GRM7: variants seen among roughly 807,000 people sequenced by gnomAD.
GRM7 encodes the protein metabotropic glutamate receptor 7.
GRM7 carries 35 observed loss-of-function variants against 84.5 expected under a neutral mutation model. The observed-to-expected ratio is 0.41, with a 90% CI of 0.32 to 0.55. The LOEUF (loss-of-function observed/expected upper bound fraction) is 0.55. GRM7 is among the 20% of genes least tolerant of loss of function. GRM7 has a pLI of 0.19. For missense variants in GRM7, 1,003 were observed against 1,194.6 expected, an observed-to-expected ratio of 0.84 and a Z score of 2.36; for synonymous variants, 487 against 455.1, an observed-to-expected ratio of 1.07 and a Z score of -0.89.
intron 9 of GRM7, among the ~76,000 whole-genome samples, chr3:7,722,241 CA>C (rs1701976646): frequency 6.6e-6 from 1 of 152,154 alleles, no homozygotes; most frequent in African/African-American, 2.4e-5. Context: ...GAAGATTAAG[CA>C]TAGCTAAAAT....
intron 1 of GRM7, among the ~76,000 whole-genome samples, chr3:7,140,684 A>G (rs1574953154): frequency 1.3e-5 from 2 of 152,024 alleles, no homozygotes; most frequent in East Asian, 3.9e-4. Flanking sequence ...TTATTTTGTT[A>G]TTGTTCATAG....
chr3:7,397,571 G>A lies in GRM7; in HGVS notation c.1034-17452G>A, dbSNP rs144991321. On this transcript the variant is annotated intron_variant, in intron 4 of 9. Coordinates refer to ENST00000357716, the MANE Select transcript of GRM7 (RefSeq NM_000844.4). ...AGTGGAATTTGAGTGTTTTTAATAT[G>A]CACCAAAAATGATAAATGCTTAAGG... 1.1e-3 allele frequency among the ~76,000 whole-genome samples: 168 copies of A among 152,052 alleles called. 2 individuals are homozygous for A. The highest frequency in any genetic ancestry group is 3.9e-3 in the African/African-American group (162 of 41,476).
At chr3:7,487,787 CT>C (rs1228841037) in intron 7 of GRM7, among the ~76,000 whole-genome samples, 1 of 152,198 alleles carries the variant, frequency 6.6e-6, no homozygotes, top group South Asian at 2.1e-4. Flanking sequence ...AGAGCCTTCA[CT>C]AAAACAATGC....
chr3:7,650,762 G>T (rs142187764), intron 8 of GRM7, among the ~76,000 whole-genome samples: 1 of 152,140 alleles, frequency 6.6e-6, no homozygotes, highest in African/African-American at 2.4e-5. Flanking sequence ...CTGTTGCCCA[G>T]GCTGGAGTGC....
At chr3:7,304,589 A>G (rs1474332428) in intron 3 of GRM7, among the ~76,000 whole-genome samples, 2 of 151,890 alleles carry the variant, frequency 1.3e-5, no homozygotes, top group Non-Finnish European at 1.5e-5. Context: ...TTAGCTGGAT[A>G]TAGGTCTTCT....
chr3:6,970,975 C>G (rs1693730744), intron 1 of GRM7, among the ~76,000 whole-genome samples: 1 of 132,772 alleles, frequency 7.5e-6, no homozygotes, highest in African/African-American at 2.8e-5. Flanking sequence ...GAGCGAGACT[C>G]TGTCTCAAAA....
At chr3:7,592,028 C>T (rs1167263840) in intron 8 of GRM7, among the ~76,000 whole-genome samples, 1 of 152,040 alleles carries the variant, frequency 6.6e-6, no homozygotes, top group African/African-American at 2.4e-5. Flanking sequence ...TAGTATTTGT[C>T]TCATAAGGTT....
At chr3:7,649,855 G>C (rs1698845442) in intron 8 of GRM7, among the ~76,000 whole-genome samples, 1 of 151,900 alleles carries the variant, frequency 6.6e-6, no homozygotes, top group Non-Finnish European at 1.5e-5. Flanking sequence ...TGGGCGGGGG[G>C]GTACTTCTTT....
chr3:7,657,697 T>C (rs1176515543), intron 8 of GRM7, among the ~76,000 whole-genome samples: 2 of 152,156 alleles, frequency 1.3e-5, no homozygotes, highest in Non-Finnish European at 2.9e-5. Flanking sequence ...GAGAGCCTCA[T>C]AGTTAAGTGT....
At chr3:7,706,082 C>T (rs577526512) in intron 9 of GRM7, among the ~76,000 whole-genome samples, 1 of 152,284 alleles carries the variant, frequency 6.6e-6, no homozygotes, top group African/African-American at 2.4e-5. Context: ...TTCAATTCCA[C>T]TTCACCACCC....
chr3:7,141,561 T>A (rs1693945079), intron 1 of GRM7, among the ~76,000 whole-genome samples: 1 of 152,100 alleles, frequency 6.6e-6, no homozygotes, highest in Non-Finnish European at 1.5e-5. Flanking sequence ...GGAATTTTAT[T>A]GTTAACCTAA....
intron 1 of GRM7, among the ~76,000 whole-genome samples, chr3:6,897,830 G>C (rs1433592797): frequency 6.6e-6 from 1 of 152,160 alleles, no homozygotes; most frequent in East Asian, 1.9e-4. Flanking sequence ...AGCATTAGTG[G>C]GTCAGCAAAA....
chr3:7,572,011 T>A (rs1694686891), intron 7 of GRM7, among the ~76,000 whole-genome samples: 1 of 152,172 alleles, frequency 6.6e-6, no homozygotes, highest in African/African-American at 2.4e-5. Context: ...ATGAGAACAG[T>A]GCAGGAAAGC....
At chr3:6,982,110 C>A (rs1303543949) in intron 1 of GRM7, among the ~76,000 whole-genome samples, 2 of 152,148 alleles carry the variant, frequency 1.3e-5, no homozygotes, top group Non-Finnish European at 2.9e-5. Context: ...GAATACTACA[C>A]AGCCATAAAA....
chr3:6,906,688 A>C (rs1696589162), intron 1 of GRM7, among the ~76,000 whole-genome samples: 1 of 152,156 alleles, frequency 6.6e-6, no homozygotes, highest in African/African-American at 2.4e-5. Flanking sequence ...CCATATATGC[A>C]TGAAGCATTT....
chr3:7,444,905 C>T (rs1369906084), intron 5 of GRM7, among the ~76,000 whole-genome samples: 6 of 152,154 alleles, frequency 3.9e-5, no homozygotes. Flanking sequence ...CTTTTTGAGT[C>T]TTTAACAGAG....
chr3:7,320,782 G>T (rs1700750667), intron 4 of GRM7, among the ~76,000 whole-genome samples: 1 of 149,638 alleles, frequency 6.7e-6, no homozygotes, highest in African/African-American at 2.5e-5. Flanking sequence ...TATAATAGTA[G>T]TTCTTTTTAT....
rs369679343 is a variant in GRM7, at chr3:6,947,911, C to T, written c.519+86004C>T. On this transcript the variant is annotated intron_variant, in intron 1 of 9. Transcript: ENST00000357716. ...AGATTGGTGGTGATATCCCCTTTAT[C>T]ATTTTTTATTGCATCGATTTGATTC... Among the ~76,000 whole-genome samples, 51 of 152,286 alleles carry T rather than the reference C, an allele frequency of 3.3e-4. 2 individuals are homozygous for T. The East Asian group carries it at 5.0e-3, about 15-fold the overall frequency.
Position 6,898,131 on chromosome 3 carries a change from A to G in GRM7, c.519+36224A>G, listed in dbSNP as rs1245125285. On this transcript the variant is annotated intron_variant, in intron 1 of 9. Transcript: ENST00000357716. ...CGAGACATCCAGGGCACAGAGCTGG[A>G]TGGAGAAAGAATTCGAAAGGGCTGA... Among the ~76,000 whole-genome samples, 3 of 152,198 alleles carry G rather than the reference A, an allele frequency of 2.0e-5. No homozygotes were observed. In the East Asian group the frequency reaches 5.8e-4, roughly 29 times the overall value.
Sources: allele counts gnomAD v4.1 joint callset (sites outside exome capture counted in the v4.1 genomes callset), GRCh38; gene constraint gnomAD v4.1.1; transcripts MANE v1.5; gene names NCBI Gene and HGNC (gene_info 2026-07-23, HGNC 2026-07-21).